Variants in PTPRD observed in about 807,000 individuals in gnomAD.
PTPRD encodes receptor-type tyrosine-protein phosphatase delta.
Under a neutral mutation model 214.5 loss-of-function variants are expected in PTPRD, and 34 were observed. The observed-to-expected ratio is 0.16, with a 90% CI of 0.12 to 0.21. PTPRD has a LOEUF of 0.21. PTPRD is among the 10% of genes least tolerant of loss of function. The probability of loss-of-function intolerance (pLI) is 1.00; values close to 1 mark genes in which losing one functional copy is unlikely to be tolerated. For missense variants in PTPRD, 2,545 were observed against 2,398.7 expected (o/e 1.06, Z -1.27); for synonymous variants, 1,128 against 845.7 (o/e 1.33, Z -5.79).
rs192914772 is a variant in PTPRD, at chr9:8,714,059, G to A, written c.64+19721C>T. Among the ~76,000 whole-genome samples the A allele has an allele frequency of 8.5e-5, 13 of 152,196 alleles. 1 individual carries two copies. The East Asian group carries it at 1.4e-3, about 16-fold the overall frequency. ...TATCCTGGCAAGAAATTTACTATTGGCCATAATAATGAATAACGGCCCTAA... is the reference window on the plus strand; with the variant it reads ...TATCCTGGCAAGAAATTTACTATTGACCATAATAATGAATAACGGCCCTAA... On this transcript the variant is annotated intron_variant, in intron 12 of 45. Transcript: ENST00000381196.
chr9:10,258,255 C>T (rs1172581609), intron 3 of PTPRD, among the ~76,000 whole-genome samples: 1 of 150,934 alleles, frequency 6.6e-6, no homozygotes, highest in Non-Finnish European at 1.5e-5. Flanking sequence ...AGGTTTGACA[C>T]ATTTCTGCTT....
chr9:8,635,996 C>T (rs1028624437), intron 13 of PTPRD, among the ~76,000 whole-genome samples: 2 of 152,198 alleles, frequency 1.3e-5, no homozygotes, highest in Admixed American at 6.6e-5. Context: ...AGAAAACCAA[C>T]TTCTTCGATA....
intron 3 of PTPRD, among the ~76,000 whole-genome samples, chr9:10,232,696 A>G (rs16925568): frequency 0.016 from 2,439 of 152,112 alleles, 49 homozygotes; most frequent in African/African-American, 0.055. Flanking sequence ...CATTATCATA[A>G]TCTGTATCCC....
chr9:9,111,142 G>A (rs1361425994), intron 10 of PTPRD, among the ~76,000 whole-genome samples: 1 of 145,332 alleles, frequency 6.9e-6, no homozygotes, highest in Non-Finnish European at 1.5e-5. Flanking sequence ...TGGGGAACCA[G>A]AAAGGATTTC....
At chr9:9,808,777 CTTAA>C (rs770745138) in intron 5 of PTPRD, among the ~76,000 whole-genome samples, 1 of 151,978 alleles carries the variant, frequency 6.6e-6, no homozygotes, top group African/African-American at 2.4e-5. Context: ...TTAATTTTTA[CTTAA>C]TTAATTTAGA....
rs1484979975 is a variant in PTPRD at position 10,141,700 on chromosome 9, C to T, written c.-544-107910G>A. ...CCCAAGGTAATTTACAGATTCAATGCCATCCCCATCAAGCTAACAATGACT... is the reference window on the plus strand; with the variant it reads ...CCCAAGGTAATTTACAGATTCAATGTCATCCCCATCAAGCTAACAATGACT... On this transcript the variant is annotated intron_variant, in intron 3 of 45. Coordinates refer to ENST00000381196, the MANE Select transcript of PTPRD (RefSeq NM_002839.4). 4.6e-5 allele frequency among the ~76,000 whole-genome samples: 7 copies of T among 152,064 alleles called. No individual in the cohort carries two copies. The East Asian group carries it at 7.7e-4, about 17-fold the overall frequency.
chr9:9,594,677 T>C (rs1373014173), intron 7 of PTPRD, among the ~76,000 whole-genome samples: 1 of 152,122 alleles, frequency 6.6e-6, no homozygotes, highest in Non-Finnish European at 1.5e-5. Context: ...TATGGCCTTA[T>C]AGTATAGTTT....
At chr9:9,296,238 C>A (rs193140907) in intron 9 of PTPRD, among the ~76,000 whole-genome samples, 44 of 151,866 alleles carry the variant, frequency 2.9e-4, no homozygotes, top group Middle Eastern at 3.4e-3. Flanking sequence ...GGTTTATATT[C>A]TGAGTTTACC....
At chr9:9,533,544 C>T (rs1021782673) in intron 8 of PTPRD, among the ~76,000 whole-genome samples, 120 of 151,792 alleles carry the variant, frequency 7.9e-4, no homozygotes, top group African/African-American at 2.8e-3. Context: ...TTCTATTTTT[C>T]AAATGCATTA....
chr9:9,497,872 C>T (rs571143298), intron 8 of PTPRD, among the ~76,000 whole-genome samples: 1 of 152,250 alleles, frequency 6.6e-6, no homozygotes, highest in East Asian at 1.9e-4. Context: ...ATATTGACTT[C>T]GATCTTCAGC....
At chr9:10,186,041 A>T (rs984454210) in intron 3 of PTPRD, among the ~76,000 whole-genome samples, 1 of 152,146 alleles carries the variant, frequency 6.6e-6, no homozygotes, top group African/African-American at 2.4e-5. Flanking sequence ...CTTGTATACC[A>T]GAACATGCAC....
intron 2 of PTPRD, among the ~76,000 whole-genome samples, chr9:10,593,346 C>T (rs2075953711): frequency 6.6e-6 from 1 of 151,908 alleles, no homozygotes; most frequent in African/African-American, 2.4e-5. Context: ...GTATACAGCA[C>T]ATGTAAGAGT....
intron 11 of PTPRD, among the ~76,000 whole-genome samples, chr9:8,803,040 G>C (rs542348492): frequency 6.6e-6 from 1 of 152,088 alleles, no homozygotes; most frequent in Non-Finnish European, 1.5e-5. Context: ...CTCGGCAACA[G>C]AGCAAGACCT....
At chr9:9,861,411 C>T (rs1303227853) in intron 5 of PTPRD, among the ~76,000 whole-genome samples, 4 of 152,178 alleles carry the variant, frequency 2.6e-5, no homozygotes. Context: ...CTGCCTCAGC[C>T]TCCCGAGTAG....
intron 2 of PTPRD, among the ~76,000 whole-genome samples, chr9:10,574,672 AT>A (rs2068595332): frequency 6.6e-6 from 1 of 151,976 alleles, no homozygotes; most frequent in South Asian, 2.1e-4. Context: ...AAAATGAATC[AT>A]TATATGATCT....
At chr9:8,945,824 A>G (rs1483628879) in intron 11 of PTPRD, among the ~76,000 whole-genome samples, 2 of 152,168 alleles carry the variant, frequency 1.3e-5, no homozygotes, top group Non-Finnish European at 2.9e-5. Context: ...ACCAAATTCT[A>G]TACTTCCTTC....
chr9:9,944,220 T>G (rs898735586), intron 4 of PTPRD, among the ~76,000 whole-genome samples: 3 of 152,160 alleles, frequency 2.0e-5, no homozygotes, highest in Admixed American at 2.0e-4. Context: ...CAGATGTCAA[T>G]CACTACAAAA....
intron 11 of PTPRD, among the ~76,000 whole-genome samples, chr9:8,786,987 C>A (rs1035171069): frequency 1.3e-5 from 2 of 151,992 alleles, no homozygotes; most frequent in Non-Finnish European, 1.5e-5. Flanking sequence ...CAGGTGCGCA[C>A]CACCACGCCC....
intron 11 of PTPRD, among the ~76,000 whole-genome samples, chr9:8,930,649 C>G (rs1246861308): frequency 1.3e-5 from 2 of 152,196 alleles, no homozygotes; most frequent in African/African-American, 4.8e-5. Context: ...TTAATGATCA[C>G]CATTCTAACT....
Sources: allele counts gnomAD v4.1 joint callset (sites outside exome capture counted in the v4.1 genomes callset), GRCh38; gene constraint gnomAD v4.1.1; transcripts MANE v1.5; gene names NCBI Gene and HGNC (gene_info 2026-07-23, HGNC 2026-07-21).